Variants in KLHL7 observed in about 807,000 individuals in gnomAD.
KLHL7 encodes kelch-like protein 7.
Under a neutral mutation model 67.4 loss-of-function variants are expected in KLHL7, and 44 were observed. That is an observed-to-expected ratio of 0.65 (90% CI 0.51 to 0.84). KLHL7 has a LOEUF of 0.84. KLHL7 is among the 40% of genes least tolerant of loss of function. KLHL7 has a pLI of 0.00. For missense variants in KLHL7, 362 were observed against 718.1 expected (o/e 0.50, Z 5.67); for synonymous variants, 252 against 243.3 (o/e 1.04, Z -0.33).
intron 1 of KLHL7, among the ~76,000 whole-genome samples, 198 bp from the exon 2 acceptor site, chr7:23,123,579 G>A (rs1264539150): frequency 2.6e-5 from 4 of 151,864 alleles, no homozygotes; most frequent in Non-Finnish European, 5.9e-5. Flanking sequence ...GGAAAACTCA[G>A]TGCAAAATTT....
At chr7:23,117,234 C>T (rs540289025) in intron 1 of KLHL7, among the ~76,000 whole-genome samples, 6 of 151,810 alleles carry the variant, frequency 4.0e-5, no homozygotes, top group South Asian at 2.1e-4. Flanking sequence ...ATTACAGACG[C>T]GCACCACCAC....
At chr7:23,128,870 G>A (rs937366061) in intron 4 of KLHL7, among the ~76,000 whole-genome samples, 4 of 152,108 alleles carry the variant, frequency 2.6e-5, no homozygotes, top group Non-Finnish European at 5.9e-5. Context: ...TGGCCTCTTT[G>A]AGCACAGTGT....
At chr7:23,160,202 A>G (rs574881656) in intron 7 of KLHL7, among the ~76,000 whole-genome samples, 1 of 152,356 alleles carries the variant, frequency 6.6e-6, no homozygotes, top group Admixed American at 6.5e-5. Flanking sequence ...CCAAGATTAA[A>G]AATTGCATGG....
chr7:23,132,302 C>A (rs1227422297), intron 4 of KLHL7, among the ~76,000 whole-genome samples: 2 of 152,182 alleles, frequency 1.3e-5, no homozygotes, highest in Non-Finnish European at 2.9e-5. Flanking sequence ...TTCTCCACAT[C>A]CTTGCCAGCA....
intron 4 of KLHL7, chr7:23,125,677 T>G (rs1783541131): frequency 7.2e-7 from 1 of 1,398,174 alleles, no homozygotes; most frequent in South Asian, 1.7e-5. Context: ...AAACATAACC[T>G]TAGTCTATAA....
Position 23,155,202 on chromosome 7 carries a change from G to A in KLHL7, c.936+2993G>A, listed in dbSNP as rs1336239569. Among the ~76,000 whole-genome samples, 6 of 152,270 alleles carry A rather than the reference G, an allele frequency of 3.9e-5. No individual in the cohort carries two copies. The South Asian group carries it at 6.2e-4, about 16-fold the overall frequency. Reference sequence around the variant, plus strand: ...GAAGACTGAGTGACTAGCAGGTGCCGTGAGAATTCATGGCCTGTGTGCTAT... The same window carrying A: ...GAAGACTGAGTGACTAGCAGGTGCCATGAGAATTCATGGCCTGTGTGCTAT... On this transcript the variant is annotated intron_variant, in intron 7 of 10. Transcript: ENST00000339077.
intron 2 of KLHL7, among the ~76,000 whole-genome samples, chr7:23,124,331 T>A (rs1783481655): frequency 6.6e-6 from 1 of 151,998 alleles, no homozygotes; most frequent in African/African-American, 2.4e-5. Context: ...TGTAGCATAT[T>A]GTGCCAGAAA....
At chr7:23,132,163 T>C (rs1274648616) in intron 4 of KLHL7, among the ~76,000 whole-genome samples, 8 of 152,226 alleles carry the variant, frequency 5.3e-5, no homozygotes, top group Non-Finnish European at 7.3e-5. Flanking sequence ...CTTTTGGGTA[T>C]ATACCCAGAA....
chr7:23,131,733 CTTTTTTT>C (rs59719158), intron 4 of KLHL7, among the ~76,000 whole-genome samples: 3 of 125,260 alleles, frequency 2.4e-5, no homozygotes, highest in Non-Finnish European at 5.0e-5. Flanking sequence ...CTTATTTATT[CTTTTTTT>C]TTTTTTTTTT....
chr7:23,109,193 C>T (rs150909672), intron 1 of KLHL7, among the ~76,000 whole-genome samples: 25 of 152,336 alleles, frequency 1.6e-4, no homozygotes, highest in African/African-American at 4.3e-4. Context: ...GCATCCCTGC[C>T]ATCACTTGAT....
rs776556075 is a variant in KLHL7, at chr7:23,144,934, C to CAAA, written c.793+920_793+922dup. Reference sequence around the variant, plus strand: ...GCAACATAGCGAGATTCCAACTCTCCAAAAAAAAAAAAACCTAGCCGGGCG... The same window carrying CAAA: ...GCAACATAGCGAGATTCCAACTCTCCAAAAAAAAAAAAAAAACCTAGCCGGGCG... On this transcript the variant is annotated intron_variant, in intron 6 of 10. Coordinates refer to ENST00000339077, the MANE Select transcript of KLHL7 (RefSeq NM_001031710.3). 7.9e-4 allele frequency among the ~76,000 whole-genome samples: 111 copies of CAAA among 140,064 alleles called. 1 individual carries two copies. The highest frequency in any genetic ancestry group is 9.5e-4 in the African/African-American group (37 of 38,962). 91.9% of individuals were successfully genotyped at this position (140,064 alleles called of 152,430 possible).
chr7:23,119,652 C>T (rs887604053), intron 1 of KLHL7, among the ~76,000 whole-genome samples: 2 of 152,230 alleles, frequency 1.3e-5, no homozygotes, highest in Non-Finnish European at 2.9e-5. Context: ...ATGTCCTGTT[C>T]TCCACCTTCT....
intron 6 of KLHL7, among the ~76,000 whole-genome samples, 162 bp downstream of exon 6, chr7:23,144,187 A>G (rs1784281777): frequency 6.6e-6 from 1 of 152,346 alleles, no homozygotes; most frequent in African/African-American, 2.4e-5. Context: ...TACACCTGGA[A>G]GGGACTTGGC....
chr7:23,123,725 C>T, intron 1 of KLHL7, 52 bp from the exon 2 acceptor site: 4 of 1,252,344 alleles, frequency 3.2e-6, no homozygotes, highest in Non-Finnish European at 4.7e-6. Flanking sequence ...CATGTATTGC[C>T]AAGCTAGGCT....
chr7:23,152,684 CA>C (rs1303861113), intron 7 of KLHL7, among the ~76,000 whole-genome samples: 3 of 151,848 alleles, frequency 2.0e-5, no homozygotes, highest in African/African-American at 7.3e-5. Context: ...AAATGATCAC[CA>C]AGTTTAGTGA....
chr7:23,118,726 T>C (rs1783201026), intron 1 of KLHL7, among the ~76,000 whole-genome samples: 1 of 152,180 alleles, frequency 6.6e-6, no homozygotes. Context: ...GATTATCTGA[T>C]CTCTTATCAC....
intron 1 of KLHL7, among the ~76,000 whole-genome samples, chr7:23,107,360 G>A (rs932896813): frequency 2.6e-5 from 4 of 152,130 alleles, no homozygotes; most frequent in African/African-American, 4.8e-5. Flanking sequence ...CAAATTGCTG[G>A]TGCATTTAGC....
intron 7 of KLHL7, among the ~76,000 whole-genome samples, chr7:23,159,309 G>A (rs562357678): frequency 1.7e-4 from 26 of 151,300 alleles, no homozygotes; most frequent in Non-Finnish European, 3.1e-4. Context: ...GACTACAGGC[G>A]TGCATCACCA....
intron 1 of KLHL7, among the ~76,000 whole-genome samples, chr7:23,121,596 G>A (rs1474579641): frequency 2.6e-5 from 4 of 151,516 alleles, no homozygotes; most frequent in Non-Finnish European, 2.9e-5. Flanking sequence ...CGACCACACC[G>A]AGCCCCCATT....
Sources: gnomAD v4.1 joint callset for allele counts (sites outside exome capture counted in the v4.1 genomes callset) on GRCh38, gnomAD v4.1.1 for gene constraint, MANE v1.5 for transcripts, NCBI Gene and HGNC (gene_info 2026-07-23, HGNC 2026-07-21) for gene names.